Variants in DNAH10 observed in about 807,000 individuals in gnomAD.
DNAH10 encodes axonemal beta dynein heavy chain 10.
Under a neutral mutation model 506.6 loss-of-function variants are expected in DNAH10, and 348 were observed. That is an observed-to-expected ratio of 0.69 (90% CI 0.63 to 0.75). The LOEUF (loss-of-function observed/expected upper bound fraction) is 0.75, where lower values mean the gene tolerates loss of function less well. Ranked by LOEUF, DNAH10 falls within the 30% of genes least tolerant of loss-of-function variation. The pLI, the probability that DNAH10 is intolerant of heterozygous loss-of-function variation, is 0.00. For missense variants in DNAH10, 5,179 were observed against 5,787.1 expected, an observed-to-expected ratio of 0.89 and a Z score of 3.41; for synonymous variants, 2,059 against 2,198.6, an observed-to-expected ratio of 0.94 and a Z score of 1.78.
chr12:123,914,806 A>G (rs1954392308), intron 61 of DNAH10, 46 bp from the exon 62 acceptor site: 2 of 1,599,568 alleles, frequency 1.3e-6, no homozygotes, highest in African/African-American at 1.3e-5. Context: ...CCCTTGGCTC[A>G]CAAATTGGTG....
chr12:123,873,561 G>A lies in DNAH10; in HGVS notation c.7789G>A (p.Val2597Met). 6.2e-7 allele frequency: 1 copy of A among 1,610,936 alleles called. No individual in the cohort carries two copies. The highest frequency in any genetic ancestry group is 8.5e-7 in the Non-Finnish European group (1 of 1,178,656). ...LKNLSEETNI[V>M]LMVNFSSRTT... ...ACATCATCTCTTTCTGCTTCAGATT[G>A]TGTTAATGGTCAACTTCTCCTCCCG... The change falls in exon 46 of 79, where the codon GTG (valine) becomes ATG (methionine). Residue 2597 changes from valine to methionine, a missense_variant. Val to Met is a conservative substitution (Grantham distance 21). Coordinates refer to ENST00000673944, the MANE Select transcript of DNAH10 (RefSeq NM_001372106.1).
At chr12:123,906,016 C>T (rs563268821) in intron 57 of DNAH10, among the ~76,000 whole-genome samples, 8 of 151,390 alleles carry the variant, frequency 5.3e-5, no homozygotes, top group Admixed American at 6.6e-5. Context: ...CTCCCGGGTT[C>T]ACGCCATTCT....
rs1330366393 is a variant in DNAH10, at chr12:123,796,319, T to C, written c.1987-337T>C. Among the ~76,000 whole-genome samples the C allele has an allele frequency of 2.0e-5, 3 of 152,136 alleles. No individual in the cohort carries two copies. In the East Asian group the frequency reaches 5.8e-4, roughly 29 times the overall value. On this transcript the variant is annotated intron_variant, in intron 12 of 78. Coordinates refer to ENST00000673944, the MANE Select transcript of DNAH10 (RefSeq NM_001372106.1). ...CAAAAATACAAAAATTAGCTGGGCA[T>C]AGTGGTGGGCGCCTGTAATCCCAGC...
At chr12:123,858,348 A>G (rs1951481713) in intron 37 of DNAH10, among the ~76,000 whole-genome samples, 1 of 152,154 alleles carries the variant, frequency 6.6e-6, no homozygotes, top group Non-Finnish European at 1.5e-5. Context: ...GGGCAGCTTC[A>G]GGGTGTCAGG....
chr12:123,934,455 A>C, intron 77 of DNAH10, 166 bp from the exon 78 acceptor site: 1 of 833,960 alleles, frequency 1.2e-6, no homozygotes, highest in Non-Finnish European at 2.0e-6. Context: ...CACAGAGGGA[A>C]GGTGGGCAGG....
intron 8 of DNAH10, among the ~76,000 whole-genome samples, chr12:123,784,512 A>G (rs1957777836): frequency 6.6e-6 from 1 of 152,002 alleles, no homozygotes; most frequent in Admixed American, 6.6e-5. Context: ...GCGCCACTAC[A>G]CTCCAGCCTG....
In DNAH10 at chr12:123,848,902, C is replaced by A. The variant is rs371164604; in HGVS notation, c.6102+20C>A. On this transcript the variant is annotated intron_variant, in intron 34 of 78. Transcript: ENST00000673944. Reference sequence around the variant, plus strand: ...TTCCAGGTGAGACACATGAAGCCCCCGGGACCATGTCCCTAGGATGGAAGT... The same window carrying A: ...TTCCAGGTGAGACACATGAAGCCCCAGGGACCATGTCCCTAGGATGGAAGT... The A allele has an allele frequency of 1.9e-6, 3 of 1,611,636 alleles. No individual in the cohort carries two copies. The highest frequency in any genetic ancestry group is 3.4e-5 in the Admixed American group (2 of 59,686).
intron 41 of DNAH10, 51 bp from the exon 42 acceptor site, chr12:123,867,416 C>T: frequency 6.4e-7 from 1 of 1,568,966 alleles, no homozygotes. Context: ...CACTAACTTC[C>T]ATTTAAATAA....
chr12:123,830,737 C>A (rs1422935809), intron 26 of DNAH10, 38 bp downstream of exon 26: 2 of 1,523,212 alleles, frequency 1.3e-6, no homozygotes, highest in East Asian at 2.3e-5. Flanking sequence ...AGAAAACAGT[C>A]TTTTTTTAAT....
At position 123,841,445 on chromosome 12, in the gene DNAH10, C is replaced by T. The variant is rs1159136067; in HGVS notation, c.5260C>T (p.Arg1754Cys). The change falls in exon 30 of 79, where the codon CGC becomes TGC. Residue 1754 changes from arginine (R) to cysteine (C), a missense_variant. Arg to Cys is a radical substitution (Grantham distance 180). Around this residue, in one of 3 missense-constraint regions of DNAH10, gnomAD observed 4,844 missense variants for 5,430.5 expected, o/e 0.89. Coordinates refer to ENST00000673944, the MANE Select transcript of DNAH10 (RefSeq NM_001372106.1). ...EFRKILRAEGRVEDWMTAVLN... is the reference protein window; with the variant it reads ...EFRKILRAEGCVEDWMTAVLN... ...TCGGAAGATCTTGCGGGCTGAAGGGCGCGTGGAGGACTGGATGACGGCAGT... is the reference window on the plus strand; with the variant it reads ...TCGGAAGATCTTGCGGGCTGAAGGGTGCGTGGAGGACTGGATGACGGCAGT... The T allele has an allele frequency of 1.2e-5, 20 of 1,613,886 alleles. No individual in the cohort carries two copies. Among genetic ancestry groups the T allele is most frequent in the Non-Finnish European group, 1.4e-5 (16 of 1,179,876 alleles).
rs1169126211 is a variant in DNAH10 at position 123,917,496 on chromosome 12, C to T, written c.11003-88C>T. Reference sequence around the variant, plus strand: ...CCTCTGGCCTGCTGGCTGAGACCCGCGCTAAGCTTGTCCCGTCACAGCAGG... The same window carrying T: ...CCTCTGGCCTGCTGGCTGAGACCCGTGCTAAGCTTGTCCCGTCACAGCAGG... On this transcript the variant is annotated intron_variant, in intron 63 of 78. Coordinates refer to ENST00000673944, the MANE Select transcript of DNAH10 (RefSeq NM_001372106.1). The surrounding 1 kb of genome is among the most constrained non-coding windows in gnomAD (Gnocchi z 5.6). 1.4e-5 allele frequency: 19 copies of T among 1,361,474 alleles called. No homozygotes were observed. In the East Asian group the frequency reaches 1.7e-4, roughly 13 times the overall value. 84.3% of individuals were successfully genotyped at this position (1,361,474 alleles called of 1,614,324 possible). A position where few individuals can be genotyped will look rare whatever the true frequency, so the allele number is the denominator to read the frequency against.
chr12:123,774,329 C>T, intron 5 of DNAH10, 65 bp downstream of exon 5: 1 of 1,270,480 alleles, frequency 7.9e-7, no homozygotes, highest in South Asian at 1.4e-5. Flanking sequence ...TTTGTTTATT[C>T]CACAAATAGG....
chr12:123,873,849 G>A (rs1216902619), intron 46 of DNAH10, 139 bp downstream of exon 46: 2 of 1,180,110 alleles, frequency 1.7e-6, no homozygotes, highest in Admixed American at 6.8e-5. Context: ...AGGCTGCGGG[G>A]AGCCAGCCTA....
At chr12:123,821,066 G>A (rs1214198712) in intron 24 of DNAH10, among the ~76,000 whole-genome samples, 3 of 152,110 alleles carry the variant, frequency 2.0e-5, no homozygotes, top group Non-Finnish European at 2.9e-5. Context: ...TCTGGCCAAC[G>A]TGGTGAAACC....
chr12:123,896,115 A>ACG (rs1953210574), intron 54 of DNAH10, among the ~76,000 whole-genome samples: 9 of 85,490 alleles, frequency 1.1e-4, no homozygotes, highest in African/African-American at 5.7e-4. Flanking sequence ...TTTATCTCAC[A>ACG]CACACACACA....
intron 42 of DNAH10, 98 bp from the exon 43 acceptor site, chr12:123,867,805 C>T (rs1951871601): frequency 4.4e-6 from 6 of 1,375,470 alleles, no homozygotes; most frequent in Non-Finnish European, 6.0e-6. Context: ...TCTTATGCTC[C>T]CATCGCTCTG....
chr12:123,859,860 C>G (rs1451557644), intron 38 of DNAH10, among the ~76,000 whole-genome samples: 1 of 151,760 alleles, frequency 6.6e-6, no homozygotes, highest in African/African-American at 2.4e-5. Flanking sequence ...TAATGAGACT[C>G]CGTCTCCACA....
intron 52 of DNAH10, among the ~76,000 whole-genome samples, chr12:123,892,306 A>G (rs946483060): frequency 6.6e-6 from 1 of 152,204 alleles, no homozygotes; most frequent in Non-Finnish European, 1.5e-5. Context: ...GGCGCGTCCC[A>G]TGGCCAGAGT....
chr12:123,905,599 G>A (rs979287820), intron 57 of DNAH10, among the ~76,000 whole-genome samples: 1 of 151,480 alleles, frequency 6.6e-6, no homozygotes, highest in Non-Finnish European at 1.5e-5. Context: ...GTTTTAATTT[G>A]CATTTCTCTT....
Sources: allele counts gnomAD v4.1 joint callset (sites outside exome capture counted in the v4.1 genomes callset), GRCh38; gene constraint gnomAD v4.1.1; regional missense constraint gnomAD v4.1.1; non-coding constraint Gnocchi (gnomAD v3.1); transcripts MANE v1.5; gene names NCBI Gene and HGNC (gene_info 2026-07-23, HGNC 2026-07-21).